The following CTNND2 variants were observed in gnomAD, a reference collection of about 807,000 sequenced individuals.
The protein encoded by CTNND2 is catenin delta 2, also known as catenin delta-2.
A neutral mutation model predicts 144.4 loss-of-function variants in CTNND2; 22 were observed. The observed-to-expected ratio is 0.15, with a 90% confidence interval of 0.11 to 0.22. CTNND2 has a LOEUF of 0.22. Ranked by LOEUF, CTNND2 falls within the 10% of genes least tolerant of loss-of-function variation. The pLI is 1.00. For synonymous variants in CTNND2, 751 were observed against 695.6 expected (o/e 1.08, Z -1.25); for missense variants, 1,353 against 1,618.8 (o/e 0.84, Z 2.82).
intron 12 of CTNND2, among the ~76,000 whole-genome samples, chr5:11,128,851 A>C (rs1755026877): frequency 1.4e-5 from 1 of 70,788 alleles, no homozygotes; most frequent in African/African-American, 4.9e-5. Flanking sequence ...TATATAATAT[A>C]TATAATATAT....
chr5:11,308,449 C>CA (rs111996095), intron 9 of CTNND2, among the ~76,000 whole-genome samples: 7,604 of 151,774 alleles, frequency 0.05, 657 homozygotes, highest in African/African-American at 0.17. Context: ...ACTTTATTTA[C>CA]AAAAAAAACA....
chr5:11,788,082 A>T (rs952342176), intron 1 of CTNND2, among the ~76,000 whole-genome samples: 1 of 152,242 alleles, frequency 6.6e-6, no homozygotes, highest in Admixed American at 6.5e-5. Flanking sequence ...AACAGAACTC[A>T]TTACCTAATG....
intron 2 of CTNND2, among the ~76,000 whole-genome samples, chr5:11,584,936 G>A (rs1317060556): frequency 6.6e-6 from 1 of 152,112 alleles, no homozygotes; most frequent in South Asian, 2.1e-4. Flanking sequence ...ACATGATTTA[G>A]TATTTTAGAA....
At position 11,319,913 on chromosome 5, in the gene CTNND2, T is replaced by G. The variant is rs1270866604; in HGVS notation, c.1628+26459A>C. ...TCAGAATATTTTAGCCTGTCATATT[T>G]TAGTGTGAAATGCATAACGTGTTTC... On this transcript the variant is annotated intron_variant, in intron 9 of 21. Coordinates refer to ENST00000304623, the MANE Select transcript of CTNND2 (RefSeq NM_001332.4). 2.6e-5 allele frequency among the ~76,000 whole-genome samples: 4 copies of G among 152,344 alleles called. 1 individual carries two copies. Among genetic ancestry groups the G allele is most frequent in the East Asian group, 1.9e-4 (1 of 5,188 alleles).
intron 9 of CTNND2, among the ~76,000 whole-genome samples, chr5:11,345,076 A>G (rs1035798579): frequency 1.3e-5 from 2 of 152,206 alleles, no homozygotes; most frequent in African/African-American, 4.8e-5. Flanking sequence ...AGGGTTCACT[A>G]TTACGCTATT....
At chr5:11,165,175 T>C (rs1209075466) in intron 11 of CTNND2, among the ~76,000 whole-genome samples, 4 of 152,208 alleles carry the variant, frequency 2.6e-5, no homozygotes, top group African/African-American at 7.2e-5. Context: ...AAAAATGTTA[T>C]TTAAGTGGGA....
chr5:11,851,382 C>T (rs1582003650), intron 1 of CTNND2, among the ~76,000 whole-genome samples: 2 of 152,142 alleles, frequency 1.3e-5, no homozygotes, highest in African/African-American at 4.8e-5. Context: ...CTCTACCTTT[C>T]AGGAGAAGAA....
Position 11,355,624 on chromosome 5 carries a change from G to A in CTNND2, c.1373-8997C>T, listed in dbSNP as rs1755785193. Among the ~76,000 whole-genome samples the A allele has an allele frequency of 2.0e-5, 3 of 152,152 alleles. No individual in the cohort carries two copies. In the South Asian group the frequency reaches 6.2e-4, roughly 31 times the overall value. On this transcript the variant is annotated intron_variant, in intron 8 of 21. Coordinates refer to ENST00000304623, the MANE Select transcript of CTNND2 (RefSeq NM_001332.4). ...GCTTTTACTCTAAGGTCAGGAACAA[G>A]ACAAGGATGCCCACTTTCACCACTT... is the stretch of plus-strand genomic sequence containing the variant.
At chr5:11,027,575 A>G (rs1742986542) in intron 16 of CTNND2, among the ~76,000 whole-genome samples, 1 of 152,088 alleles carries the variant, frequency 6.6e-6, no homozygotes, top group Admixed American at 6.5e-5. Flanking sequence ...GACTAACTGA[A>G]ACCTTGTAAC....
intron 10 of CTNND2, among the ~76,000 whole-genome samples, chr5:11,202,805 T>G (rs185147008): frequency 6.6e-6 from 1 of 152,038 alleles, no homozygotes; most frequent in Non-Finnish European, 1.5e-5. Flanking sequence ...TTTTTCTTTT[T>G]CTTTTTCTTT....
intron 1 of CTNND2, among the ~76,000 whole-genome samples, chr5:11,759,548 G>T (rs1303182045): frequency 8.0e-6 from 1 of 125,186 alleles, no homozygotes; most frequent in Non-Finnish European, 1.7e-5. Flanking sequence ...TTTACAATCA[G>T]GTTTCTTATC....
chr5:11,148,771 A>C (rs1183997748), intron 12 of CTNND2, among the ~76,000 whole-genome samples: 1 of 152,040 alleles, frequency 6.6e-6, no homozygotes, highest in African/African-American at 2.4e-5. Flanking sequence ...GCTTGGGAGG[A>C]AACAGGAGGC....
intron 3 of CTNND2, among the ~76,000 whole-genome samples, chr5:11,463,281 CATCT>C (rs1352991437): frequency 2.0e-5 from 3 of 152,094 alleles, no homozygotes; most frequent in East Asian, 1.9e-4. Flanking sequence ...TCCATCCATC[CATCT>C]ATCTCTTAAA....
At chr5:11,070,983 A>C (rs1360858881) in intron 16 of CTNND2, among the ~76,000 whole-genome samples, 2 of 151,198 alleles carry the variant, frequency 1.3e-5, no homozygotes, top group African/African-American at 4.9e-5. Flanking sequence ...GGGAGGAGGA[A>C]GGGAGGAGAG....
At chr5:11,616,369 ACAGAAATGCC>A (rs1780580541) in intron 2 of CTNND2, among the ~76,000 whole-genome samples, 2 of 152,144 alleles carry the variant, frequency 1.3e-5, no homozygotes, top group Non-Finnish European at 2.9e-5. Context: ...TTCCCACTCT[ACAGAAATGCC>A]TTGTCACACA....
intron 2 of CTNND2, among the ~76,000 whole-genome samples, chr5:11,640,362 G>A (rs1029161240): frequency 2.0e-5 from 3 of 152,122 alleles, no homozygotes; most frequent in African/African-American, 4.8e-5. Flanking sequence ...GAATAGAATC[G>A]CCTTGGTATG....
chr5:11,423,375 T>A (rs1209856809), intron 3 of CTNND2, among the ~76,000 whole-genome samples: 2 of 152,172 alleles, frequency 1.3e-5, no homozygotes, highest in Non-Finnish European at 2.9e-5. Context: ...GGATTATCCA[T>A]AACTGATATT....
chr5:11,866,996 G>A (rs2127039775), intron 1 of CTNND2, among the ~76,000 whole-genome samples: 1 of 152,292 alleles, frequency 6.6e-6, no homozygotes, highest in African/African-American at 2.4e-5. Flanking sequence ...TGCATGATGT[G>A]GCATTATATC....
chr5:11,861,866 C>A (rs2127027189), intron 1 of CTNND2, among the ~76,000 whole-genome samples: 1 of 152,306 alleles, frequency 6.6e-6, no homozygotes, highest in East Asian at 1.9e-4. Context: ...GGCATTCTCA[C>A]ACCTTAGGGA....
Sources: gnomAD v4.1 joint callset for allele counts (sites outside exome capture counted in the v4.1 genomes callset) on GRCh38, gnomAD v4.1.1 for gene constraint, MANE v1.5 for transcripts, NCBI Gene and HGNC (gene_info 2026-07-23, HGNC 2026-07-21) for gene names.